EXTL3: variants seen among roughly 807,000 people sequenced by gnomAD.
The protein encoded by EXTL3 is exostosin-like 3.
In EXTL3, 27 loss-of-function variants were observed where a neutral mutation model predicts 69.3. That is an observed-to-expected ratio of 0.39 (90% CI 0.29 to 0.54). The LOEUF (loss-of-function observed/expected upper bound fraction) is 0.54, where lower values mean the gene tolerates loss of function less well. EXTL3 is among the 20% of genes least tolerant of loss of function. The pLI, the probability that EXTL3 is intolerant of heterozygous loss-of-function variation, is 0.69. For synonymous variants in EXTL3, 511 were observed against 499.4 expected (o/e 1.02, Z -0.31); for missense variants, 1,003 against 1,231.8 (o/e 0.81, Z 2.78).
intron 1 of EXTL3, among the ~76,000 whole-genome samples, chr8:28,661,876 C>T (rs1807121433): frequency 6.6e-6 from 1 of 150,724 alleles, no homozygotes; most frequent in African/African-American, 2.4e-5. Flanking sequence ...CAGAGTGAAA[C>T]TCCTTCTCAA....
At chr8:28,614,494 G>A (rs1169235578) in intron 2 of EXTL3, among the ~76,000 whole-genome samples, 2 of 151,756 alleles carry the variant, frequency 1.3e-5, no homozygotes, top group Admixed American at 6.6e-5. Context: ...GGCTGATCTC[G>A]AACTCTTGGG....
At chr8:28,710,548 T>C (rs1801011686) in intron 1 of EXTL3, 2 of 450,634 alleles carry the variant, frequency 4.4e-6, no homozygotes, top group Admixed American at 2.5e-5. Flanking sequence ...ATTACCCTAA[T>C]ATTGTGTTAA....
chr8:28,714,951 A>C (rs1801108767), intron 2 of EXTL3, among the ~76,000 whole-genome samples: 1 of 152,266 alleles, frequency 6.6e-6, no homozygotes, highest in Admixed American at 6.5e-5. Context: ...TCTTTCTAAA[A>C]GAGCAAGTTA....
chr8:28,618,534 G>T (rs116727212), upstream of EXTL3, among the ~76,000 whole-genome samples: 42 of 152,296 alleles, frequency 2.8e-4, no homozygotes, highest in South Asian at 6.8e-3. Flanking sequence ...GTGGAGGTCA[G>T]ATCAGGAGAA....
chr8:28,683,660 A>G (rs545800258), intron 1 of EXTL3, among the ~76,000 whole-genome samples: 32 of 152,222 alleles, frequency 2.1e-4, no homozygotes, highest in African/African-American at 7.5e-4. Context: ...TAAAAATACA[A>G]AAAATTAGGC....
upstream of EXTL3, chr8:28,701,371 C>G (rs915359482): frequency 6.6e-6 from 1 of 152,004 alleles, no homozygotes. Context: ...CGGGTGTCAC[C>G]GCGGAGCTGC....
Position 28,731,073 on chromosome 8 carries a change from T to C in EXTL3, c.2149-150T>C, listed in dbSNP as rs113492264. The C allele has an allele frequency of 7.5e-4, 633 of 842,660 alleles. 6 individuals carry two copies. The African/African-American group carries it at 8.8e-3, about 12-fold the overall frequency. 52.2% of individuals were successfully genotyped at this position (842,660 alleles called of 1,614,324 possible). A position where few individuals can be genotyped will look rare whatever the true frequency, so the allele number is the denominator to read the frequency against. On this transcript the variant is annotated intron_variant, in intron 3 of 6. Coordinates refer to ENST00000220562, the MANE Select transcript of EXTL3 (RefSeq NM_001440.4). ...TGAAGTATAAGGCAGCTTTTATTCCTGAAAGGCATATGCTAGATTTTACAA... is the reference window on the plus strand; with the variant it reads ...TGAAGTATAAGGCAGCTTTTATTCCCGAAAGGCATATGCTAGATTTTACAA...
intron 1 of EXTL3, among the ~76,000 whole-genome samples, chr8:28,664,625 T>C (rs543401176): frequency 6.6e-6 from 1 of 152,354 alleles, no homozygotes; most frequent in Admixed American, 6.5e-5. Context: ...GATGATTCTT[T>C]ATAGAATCCA....
At chr8:28,708,426 C>CTTTT (rs71549693) in intron 1 of EXTL3, among the ~76,000 whole-genome samples, 5 of 118,744 alleles carry the variant, frequency 4.2e-5, no homozygotes, top group Non-Finnish European at 5.3e-5. Context: ...TGGGAAGTGC[C>CTTTT]TTTTTTTTTT....
At chr8:28,688,335 G>A (rs1800559413) in intron 1 of EXTL3, among the ~76,000 whole-genome samples, 1 of 152,176 alleles carries the variant, frequency 6.6e-6, no homozygotes, top group Non-Finnish European at 1.5e-5. Context: ...AAAGTCCTGG[G>A]ATTACAGGCA....
intron 2 of EXTL3, among the ~76,000 whole-genome samples, chr8:28,713,781 A>G (rs1450984417): frequency 6.6e-6 from 1 of 152,102 alleles, no homozygotes; most frequent in Non-Finnish European, 1.5e-5. Context: ...TAATATTATC[A>G]TCAACTTTAG....
chr8:28,648,208 C>T (rs1278409415), intron 1 of EXTL3, among the ~76,000 whole-genome samples: 1 of 152,090 alleles, frequency 6.6e-6, no homozygotes, highest in African/African-American at 2.4e-5. Context: ...TTGTTTTGGG[C>T]CCCTTTGGTT....
At chr8:28,634,954 C>T (rs1806629547) in intron 1 of EXTL3, among the ~76,000 whole-genome samples, 1 of 152,126 alleles carries the variant, frequency 6.6e-6, no homozygotes, top group South Asian at 2.1e-4. Flanking sequence ...TCTGCATGGG[C>T]GATGTCCACT....
chr8:28,678,437 G>A (rs1361021572), intron 1 of EXTL3, among the ~76,000 whole-genome samples: 1 of 152,000 alleles, frequency 6.6e-6, no homozygotes, highest in Non-Finnish European at 1.5e-5. Flanking sequence ...AGAAGGAGTG[G>A]GTGAGTTCTC....
chr8:28,746,022 T>G (rs1480164191), intron 6 of EXTL3, among the ~76,000 whole-genome samples: 1 of 152,226 alleles, frequency 6.6e-6, no homozygotes, highest in Non-Finnish European at 1.5e-5. Context: ...ATTATTTACT[T>G]CATAATAAAG....
At chr8:28,731,128 A>T in intron 3 of EXTL3, 95 bp from the exon 4 acceptor site, 1 of 1,517,972 alleles carries the variant, frequency 6.6e-7, no homozygotes, top group Non-Finnish European at 9.1e-7. Flanking sequence ...TTATTCAGTA[A>T]ATCCAGCCAT....
At chr8:28,667,961 TAGG>T (rs1807222567) in intron 1 of EXTL3, among the ~76,000 whole-genome samples, 1 of 143,608 alleles carries the variant, frequency 7.0e-6, no homozygotes, top group South Asian at 2.2e-4. Flanking sequence ...CTCTTTAGTC[TAGG>T]AGTTCAAAAG....
intron 5 of EXTL3, among the ~76,000 whole-genome samples, chr8:28,739,338 T>A (rs1055646607): frequency 4.6e-5 from 7 of 152,144 alleles, no homozygotes; most frequent in South Asian, 2.1e-4. Context: ...GGGACTTTTT[T>A]AATTTTTTAA....
chr8:28,626,985 A>G (rs1484728165), intron 1 of EXTL3, among the ~76,000 whole-genome samples: 1 of 151,992 alleles, frequency 6.6e-6, no homozygotes, highest in Non-Finnish European at 1.5e-5. Flanking sequence ...GATCGAGACC[A>G]TCCTGGCTAA....
Sources: gnomAD v4.1 joint callset for allele counts (sites outside exome capture counted in the v4.1 genomes callset) on GRCh38, gnomAD v4.1.1 for gene constraint, MANE v1.5 for transcripts, NCBI Gene and HGNC (gene_info 2026-07-23, HGNC 2026-07-21) for gene names.